ACSS3: variants seen among roughly 807,000 people sequenced by gnomAD.
The protein encoded by ACSS3 is acyl-CoA synthetase short chain family member 3, also known as acyl-CoA synthetase short-chain family member 3, mitochondrial.
Under a neutral mutation model 84.2 loss-of-function variants are expected in ACSS3, and 64 were observed. That is an observed-to-expected ratio of 0.76 (90% CI 0.62 to 0.94). ACSS3 has a LOEUF of 0.94. Ranked by LOEUF, ACSS3 falls within the 40% of genes least tolerant of loss-of-function variation. The pLI, the probability that ACSS3 is intolerant of heterozygous loss-of-function variation, is 0.00. For missense variants in ACSS3, 815 were observed against 867.6 expected (o/e 0.94, Z 0.76); for synonymous variants, 317 against 310.1 (o/e 1.02, Z -0.23).
intron 1 of ACSS3, among the ~76,000 whole-genome samples, chr12:81,095,809 T>G (rs1459832417): frequency 1.3e-5 from 2 of 152,190 alleles, no homozygotes; most frequent in Admixed American, 1.3e-4. Context: ...GATGGTGTGA[T>G]GGGGCCAGAT....
chr12:81,089,957 G>A (rs1053200774), intron 1 of ACSS3, among the ~76,000 whole-genome samples: 1 of 152,034 alleles, frequency 6.6e-6, no homozygotes, highest in Non-Finnish European at 1.5e-5. Context: ...GGGTCACACT[G>A]TAGAGCCTAA....
chr12:81,083,719 C>G (rs1054879011), intron 1 of ACSS3, among the ~76,000 whole-genome samples: 3 of 152,048 alleles, frequency 2.0e-5, no homozygotes, highest in Non-Finnish European at 4.4e-5. Context: ...CGCATGTAAT[C>G]TCAGCACTTT....
At chr12:81,102,546 C>T (rs571409326) in intron 1 of ACSS3, among the ~76,000 whole-genome samples, 6 of 152,128 alleles carry the variant, frequency 3.9e-5, no homozygotes, top group African/African-American at 1.4e-4. Flanking sequence ...AGATTGGCCA[C>T]GTGCAGTGGC....
intron 13 of ACSS3, 82 bp from the exon 14 acceptor site, chr12:81,253,225 A>G: frequency 1.4e-6 from 2 of 1,398,430 alleles, no homozygotes; most frequent in African/African-American, 1.4e-5. Flanking sequence ...TTGTATATCT[A>G]TATCTGTATC....
chr12:81,154,060 T>G (rs1398840421), intron 7 of ACSS3, among the ~76,000 whole-genome samples: 1 of 152,238 alleles, frequency 6.6e-6, no homozygotes, highest in Non-Finnish European at 1.5e-5. Flanking sequence ...TAGGTATTTG[T>G]AATAATTAAA....
intron 7 of ACSS3, chr12:81,174,548 T>G: frequency 2.8e-6 from 1 of 355,848 alleles, no homozygotes; most frequent in Non-Finnish European, 5.0e-6. Flanking sequence ...TTTTCAAAAC[T>G]TGATGAAGAA....
At chr12:81,206,776 A>G (rs1220754378) in intron 9 of ACSS3, among the ~76,000 whole-genome samples, 1 of 152,138 alleles carries the variant, frequency 6.6e-6, no homozygotes, top group African/African-American at 2.4e-5. Context: ...GGTTTGTGGA[A>G]AGAATAACCT....
chr12:81,239,985 C>T (rs916990640), intron 13 of ACSS3, among the ~76,000 whole-genome samples: 2 of 151,796 alleles, frequency 1.3e-5, no homozygotes, highest in Non-Finnish European at 2.9e-5. Flanking sequence ...TTATAAGGTA[C>T]TTGCTTTGTC....
chr12:81,241,406 G>A (rs1389063784), intron 13 of ACSS3, among the ~76,000 whole-genome samples: 2 of 152,034 alleles, frequency 1.3e-5, no homozygotes, highest in Non-Finnish European at 2.9e-5. Context: ...CTGAGGAATT[G>A]CCACACTGAC....
At chr12:81,089,605 G>T (rs1160591889) in intron 1 of ACSS3, among the ~76,000 whole-genome samples, 1 of 151,938 alleles carries the variant, frequency 6.6e-6, no homozygotes, top group East Asian at 1.9e-4. Context: ...TGCAGAGTCT[G>T]TAATAGAATG....
intron 1 of ACSS3, among the ~76,000 whole-genome samples, chr12:81,105,538 G>A (rs1239437306): frequency 2.0e-5 from 3 of 152,104 alleles, no homozygotes; most frequent in African/African-American, 7.2e-5. Context: ...TCCTAACCAC[G>A]TGCCCTGGGT....
intron 1 of ACSS3, among the ~76,000 whole-genome samples, chr12:81,099,446 A>T (rs1348260159): frequency 6.6e-6 from 1 of 152,210 alleles, no homozygotes; most frequent in African/African-American, 2.4e-5. Flanking sequence ...AAGTTGCAAC[A>T]TTATGACAAC....
At chr12:81,246,789 C>T (rs544383664) in intron 13 of ACSS3, among the ~76,000 whole-genome samples, 1 of 152,164 alleles carries the variant, frequency 6.6e-6, no homozygotes, top group South Asian at 2.1e-4. Flanking sequence ...GTTTTATTTC[C>T]TCTTTCTCTA....
At chr12:81,173,531 C>A (rs1041230824) in intron 7 of ACSS3, among the ~76,000 whole-genome samples, 2 of 151,782 alleles carry the variant, frequency 1.3e-5, no homozygotes, top group Non-Finnish European at 2.9e-5. Context: ...AAAATAGTGT[C>A]CTATCAATGA....
chr12:81,081,616 T>C (rs149500605), intron 1 of ACSS3, among the ~76,000 whole-genome samples: 33 of 152,306 alleles, frequency 2.2e-4, no homozygotes, highest in African/African-American at 7.9e-4. Flanking sequence ...TCAATTCACT[T>C]TTCTATTATA....
intron 2 of ACSS3, among the ~76,000 whole-genome samples, chr12:81,119,493 G>A (rs997105261): frequency 2.6e-5 from 4 of 152,090 alleles, no homozygotes; most frequent in Non-Finnish European, 4.4e-5. Context: ...GGAGACCAGG[G>A]TGTATTTCAA....
intron 12 of ACSS3, 120 bp from the exon 13 acceptor site, chr12:81,233,229 A>G: frequency 8.3e-7 from 1 of 1,208,492 alleles, no homozygotes. Flanking sequence ...TCTAGTTACG[A>G]AAAACGGCAA....
At position 81,187,664 on chromosome 12, in the gene ACSS3, TA is replaced by T. The variant is rs1037733432; in HGVS notation, c.1251-11669del. On this transcript the variant is annotated intron_variant, in intron 8 of 15. Coordinates refer to ENST00000548058, the MANE Select transcript of ACSS3 (RefSeq NM_024560.4). Reference sequence around the variant, plus strand: ...AATATAAACCCGTTTTGTGAAAAAATAAAAAAAATTATAGTTTATACAAGTT... The same window carrying T: ...AATATAAACCCGTTTTGTGAAAAAATAAAAAAATTATAGTTTATACAAGTT... Among the ~76,000 whole-genome samples the T allele has an allele frequency of 3.7e-4, 56 of 151,620 alleles. 1 individual carries two copies. The highest frequency in any genetic ancestry group is 3.1e-3 in the Admixed American group (47 of 15,198).
intron 12 of ACSS3, among the ~76,000 whole-genome samples, chr12:81,231,875 C>T (rs2033477472): frequency 6.6e-6 from 1 of 151,600 alleles, no homozygotes; most frequent in Admixed American, 6.6e-5. Flanking sequence ...CCCCCACCCC[C>T]ACCGCCTAAC....
Sources: allele counts gnomAD v4.1 joint callset (sites outside exome capture counted in the v4.1 genomes callset), GRCh38; gene constraint gnomAD v4.1.1; transcripts MANE v1.5; gene names NCBI Gene and HGNC (gene_info 2026-07-23, HGNC 2026-07-21).